The following SAMD8 variants were observed in gnomAD, a reference collection of about 807,000 sequenced individuals.
The protein encoded by SAMD8 is sphingomyelin synthase-related protein 1.
Under a neutral mutation model 42.0 loss-of-function variants are expected in SAMD8, and 20 were observed. The ratio of observed to expected loss-of-function variants is 0.48; its 90% CI spans 0.34 to 0.69. The LOEUF (loss-of-function observed/expected upper bound fraction) is 0.69. Ranked by LOEUF, SAMD8 falls within the 30% of genes least tolerant of loss-of-function variation. The pLI, the probability that SAMD8 is intolerant of heterozygous loss-of-function variation, is 0.01. For missense variants in SAMD8, 328 were observed against 511.6 expected, an observed-to-expected ratio of 0.64 and a Z score of 3.46; for synonymous variants, 162 against 173.0, an observed-to-expected ratio of 0.94 and a Z score of 0.50.
At chr10:75,174,973 CA>C (rs1284619666) in intron 4 of SAMD8, among the ~76,000 whole-genome samples, 1 of 151,930 alleles carries the variant, frequency 6.6e-6, no homozygotes, top group Non-Finnish European at 1.5e-5. Context: ...CGAAGTCATC[CA>C]AAAAAACCCC....
intron 1 of SAMD8, chr10:75,105,688 C>G (rs774178209): frequency 1.3e-6 from 2 of 1,549,776 alleles, no homozygotes; most frequent in East Asian, 4.9e-5. Flanking sequence ...GCCGGCACCC[C>G]GCAGTTGCTG....
chr10:75,158,075 C>T (rs1174376039), intron 2 of SAMD8, among the ~76,000 whole-genome samples: 3 of 151,664 alleles, frequency 2.0e-5, no homozygotes, highest in African/African-American at 7.3e-5. Flanking sequence ...AGGAGAATTG[C>T]TTGAACCTGA....
chr10:75,134,689 A>C (rs918917601), intron 1 of SAMD8, among the ~76,000 whole-genome samples: 1 of 152,140 alleles, frequency 6.6e-6, no homozygotes, highest in East Asian at 1.9e-4. Flanking sequence ...TCTGTTGTAC[A>C]GTAGGGTGAC....
upstream of SAMD8, among the ~76,000 whole-genome samples, chr10:75,110,891 TTGCAACCTCCA>T (rs1470686756): frequency 1.3e-5 from 2 of 152,148 alleles, no homozygotes; most frequent in East Asian, 3.9e-4. Flanking sequence ...TCTCGGCTCA[TTGCAACCTCCA>T]TTTCCCGGGT....
intron 1 of SAMD8, among the ~76,000 whole-genome samples, chr10:75,130,428 C>T (rs913058178): frequency 6.6e-6 from 1 of 152,054 alleles, no homozygotes; most frequent in Non-Finnish European, 1.5e-5. Flanking sequence ...ATTGCTTGAA[C>T]CGAGGAGGTG....
intron 1 of SAMD8, among the ~76,000 whole-genome samples, chr10:75,115,599 A>G (rs1347079130): frequency 6.6e-6 from 1 of 152,140 alleles, no homozygotes; most frequent in East Asian, 1.9e-4. Flanking sequence ...CAGTGACTTC[A>G]TGTTTCCGTA....
intron 1 of SAMD8, among the ~76,000 whole-genome samples, chr10:75,126,424 G>A (rs1849137182): frequency 6.6e-6 from 1 of 151,144 alleles, no homozygotes; most frequent in African/African-American, 2.4e-5. Flanking sequence ...ACATTGCCTA[G>A]TGTAATACCC....
At chr10:75,115,238 T>G (rs2134415916) in intron 1 of SAMD8, among the ~76,000 whole-genome samples, 2 of 152,340 alleles carry the variant, frequency 1.3e-5, no homozygotes, top group East Asian at 3.9e-4. Flanking sequence ...CTTGTTTTTG[T>G]TTTGCTCTAA....
chr10:75,181,889 C>T lies in SAMD8; in HGVS notation c.*5197C>T, dbSNP rs142437600. ...GAAGCAAAATTAGCTGGGACTAAAA[C>T]GGACATGTTTTGTTTTGTGAATTCT... On this transcript the variant is annotated 3_prime_UTR_variant, in exon 6 of 6. Coordinates refer to ENST00000542569, the MANE Select transcript of SAMD8 (RefSeq NM_001174156.2). The T allele has an allele frequency of 1.6e-4, 25 of 152,062 alleles. No individual in the cohort carries two copies. The highest frequency in any genetic ancestry group is 5.3e-4 in the African/African-American group (22 of 41,394). The allele number at this position is 152,062 out of a possible 1,614,324, so 9.4% of individuals were successfully genotyped here. A position where few individuals can be genotyped will look rare whatever the true frequency, so the allele number is the denominator to read the frequency against.
At chr10:75,135,895 CT>C (rs914094178) in intron 1 of SAMD8, among the ~76,000 whole-genome samples, 7 of 150,416 alleles carry the variant, frequency 4.7e-5, no homozygotes, top group Admixed American at 1.3e-4. Flanking sequence ...TTGATTGCTG[CT>C]TTTTTTTTGC....
At chr10:75,170,856 C>G (rs989581869) in intron 4 of SAMD8, among the ~76,000 whole-genome samples, 1 of 148,692 alleles carries the variant, frequency 6.7e-6, no homozygotes, top group Non-Finnish European at 1.5e-5. Context: ...TCACTGCAAC[C>G]TCCTCTTCCC....
intron 1 of SAMD8, among the ~76,000 whole-genome samples, chr10:75,143,956 A>G (rs1840076383): frequency 6.7e-6 from 1 of 149,414 alleles, no homozygotes; most frequent in Admixed American, 6.7e-5. Flanking sequence ...AACCAAATTT[A>G]TAATTTAAAC....
At chr10:75,174,661 G>C (rs2132220063) in intron 4 of SAMD8, among the ~76,000 whole-genome samples, 1 of 144,168 alleles carries the variant, frequency 6.9e-6, no homozygotes, top group African/African-American at 2.6e-5. Flanking sequence ...TCGAACTCCT[G>C]ACCTCAGATG....
intron 1 of SAMD8, 49 bp downstream of exon 1, chr10:75,111,771 T>G: frequency 8.1e-7 from 1 of 1,232,400 alleles, no homozygotes; most frequent in Non-Finnish European, 1.0e-6. Context: ...GGGCGCCTGC[T>G]GCCAAGGGTG....
chr10:75,175,653 A>G (rs1840975945), intron 4 of SAMD8, among the ~76,000 whole-genome samples: 1 of 152,022 alleles, frequency 6.6e-6, no homozygotes, highest in Non-Finnish European at 1.5e-5. Context: ...GGTTCAAGTG[A>G]TTCTCCTGCC....
chr10:75,109,115 C>A, upstream of SAMD8: 1 of 1,611,086 alleles, frequency 6.2e-7, no homozygotes, highest in Non-Finnish European at 8.5e-7. Context: ...CAAGGCGTGG[C>A]TTTGTCCTCT....
intron 3 of SAMD8, among the ~76,000 whole-genome samples, chr10:75,164,998 TA>T (rs1025661973): frequency 2.0e-5 from 3 of 152,124 alleles, no homozygotes; most frequent in East Asian, 1.9e-4. Flanking sequence ...ATCTCTGATC[TA>T]AAAAAAAGAG....
At chr10:75,100,781 G>A (rs1848112224) in intron 1 of SAMD8, among the ~76,000 whole-genome samples, 1 of 152,206 alleles carries the variant, frequency 6.6e-6, no homozygotes, top group African/African-American at 2.4e-5. Flanking sequence ...TCTTTTCTGT[G>A]TTTGCATCTC....
upstream of SAMD8, chr10:75,111,468 G>C (rs1848765155): frequency 2.5e-6 from 3 of 1,214,982 alleles, no homozygotes; most frequent in African/African-American, 4.7e-5. Context: ...CCCGTCCCCG[G>C]CCGGTAGGGC....
Sources: gnomAD v4.1 joint callset for allele counts (sites outside exome capture counted in the v4.1 genomes callset) on GRCh38, gnomAD v4.1.1 for gene constraint, MANE v1.5 for transcripts, NCBI Gene and HGNC (gene_info 2026-07-23, HGNC 2026-07-21) for gene names.